Variants in UBAP1 observed in about 807,000 individuals in gnomAD.
The protein encoded by UBAP1 is ubiquitin-associated protein 1.
In UBAP1, 5 loss-of-function variants were observed where a neutral mutation model predicts 39.0. The observed-to-expected ratio is 0.13, with a 90% CI of 0.07 to 0.27. The LOEUF (loss-of-function observed/expected upper bound fraction) is 0.27. UBAP1 is among the 10% of genes least tolerant of loss of function. The probability of loss-of-function intolerance (pLI) is 1.00; values close to 1 mark genes in which losing one functional copy is unlikely to be tolerated. For synonymous variants in UBAP1, 211 were observed against 225.1 expected (o/e 0.94, Z 0.56); for missense variants, 490 against 608.1 (o/e 0.81, Z 2.04).
Position 34,252,062 on chromosome 9 carries a change from T to G in UBAP1, c.*530T>G, listed in dbSNP as rs1834571805. On this transcript the variant is annotated 3_prime_UTR_variant, in exon 7 of 7. Transcript: ENST00000297661. ...GTTAACACTGGTTCTGCAATATCTC[T>G]GAGGTGCAAAGAATGCACTTTTCCC... 6.5e-6 allele frequency: 1 copy of G among 152,918 alleles called. No individual in the cohort carries two copies. The highest frequency in any genetic ancestry group is 2.1e-4 in the South Asian group (1 of 4,850). 9.5% of individuals were successfully genotyped at this position (152,918 alleles called of 1,614,324 possible).
At chr9:34,250,011 G>T (rs752680084) in intron 5 of UBAP1, 50 bp downstream of exon 5, 1 of 1,594,054 alleles carries the variant, frequency 6.3e-7, no homozygotes, top group Non-Finnish European at 8.6e-7. Context: ...TGGAGCTGGA[G>T]TAGTGTCCTC....
At chr9:34,186,681 T>C (rs534750358) in intron 1 of UBAP1, among the ~76,000 whole-genome samples, 1 of 152,270 alleles carries the variant, frequency 6.6e-6, no homozygotes, top group South Asian at 2.1e-4. Context: ...ATATTCAATT[T>C]CGTTGCCTAT....
intron 1 of UBAP1, among the ~76,000 whole-genome samples, chr9:34,219,693 TTCCTCTCCTCTCC>T (rs1832553676): frequency 1.9e-5 from 1 of 51,850 alleles, no homozygotes; most frequent in Non-Finnish European, 4.0e-5. Flanking sequence ...CTCCCCTCCT[TTCCTCTCCTCTCC>T]TCTCCCCTCC....
intron 4 of UBAP1, among the ~76,000 whole-genome samples, chr9:34,242,354 C>T (rs1255215014): frequency 1.3e-5 from 2 of 152,134 alleles, no homozygotes; most frequent in Non-Finnish European, 2.9e-5. Flanking sequence ...TGACACGTTG[C>T]CCAGGCTGGT....
At chr9:34,193,699 G>A (rs753744828) in intron 1 of UBAP1, among the ~76,000 whole-genome samples, 9 of 152,178 alleles carry the variant, frequency 5.9e-5, no homozygotes, top group Non-Finnish European at 1.0e-4. Flanking sequence ...ATAGATGAAG[G>A]GATGCATAGA....
At chr9:34,182,707 TTC>T (rs1478040725) in intron 1 of UBAP1, among the ~76,000 whole-genome samples, 1 of 145,840 alleles carries the variant, frequency 6.9e-6, no homozygotes, top group African/African-American at 2.5e-5. Context: ...TTTCTTTTCT[TTC>T]TCTCTCTTTC....
At chr9:34,238,399 G>T (rs1319072376) in intron 3 of UBAP1, among the ~76,000 whole-genome samples, 1 of 152,130 alleles carries the variant, frequency 6.6e-6, no homozygotes. Flanking sequence ...GGCATTGCTG[G>T]GTCATAGTAA....
chr9:34,192,197 C>T (rs1300933372), intron 1 of UBAP1, among the ~76,000 whole-genome samples: 1 of 151,240 alleles, frequency 6.6e-6, no homozygotes, highest in Non-Finnish European at 1.5e-5. Flanking sequence ...ATTGTAATGG[C>T]AGAACTGTGG....
chr9:34,210,522 C>T lies in UBAP1; in HGVS notation c.-7-10386C>T, dbSNP rs536675239. 4.7e-4 allele frequency among the ~76,000 whole-genome samples: 71 copies of T among 152,186 alleles called. 1 individual carries two copies. The highest frequency in any genetic ancestry group is 1.5e-3 in the African/African-American group (64 of 41,530). Reference sequence around the variant, plus strand: ...TCACCTGAGGTCAGGAGTTTGAGACCAGCCTGGCCAACATGGCAAAAACCC... The same window carrying T: ...TCACCTGAGGTCAGGAGTTTGAGACTAGCCTGGCCAACATGGCAAAAACCC... On this transcript the variant is annotated intron_variant, in intron 1 of 6. Transcript: ENST00000297661.
At chr9:34,182,086 T>C (rs921231175) in intron 1 of UBAP1, among the ~76,000 whole-genome samples, 25 of 150,054 alleles carry the variant, frequency 1.7e-4, no homozygotes, top group African/African-American at 6.2e-4. Context: ...GAGCAGCTAG[T>C]GCACGTATTT....
At chr9:34,230,782 G>C (rs1833366073) in intron 2 of UBAP1, among the ~76,000 whole-genome samples, 1 of 152,124 alleles carries the variant, frequency 6.6e-6, no homozygotes, top group Non-Finnish European at 1.5e-5. Context: ...ACTTTGTTCA[G>C]ATCTCAGACA....
intron 4 of UBAP1, among the ~76,000 whole-genome samples, chr9:34,249,383 G>T (rs1405007865): frequency 6.6e-6 from 1 of 152,176 alleles, no homozygotes. Context: ...TTCAGCCTGG[G>T]AAAGGGATAA....
At chr9:34,222,779 CAT>C (rs1832830532) in intron 2 of UBAP1, among the ~76,000 whole-genome samples, 1 of 151,946 alleles carries the variant, frequency 6.6e-6, no homozygotes, top group African/African-American at 2.4e-5. Flanking sequence ...GCCAGAATCA[CAT>C]GAGAGCCTGT....
chr9:34,234,472 C>A, intron 3 of UBAP1, 132 bp downstream of exon 3: 1 of 1,001,380 alleles, frequency 1.0e-6, no homozygotes, highest in Non-Finnish European at 1.4e-6. Flanking sequence ...ACCACATATA[C>A]AATGGTGGTC....
intron 1 of UBAP1, among the ~76,000 whole-genome samples, chr9:34,211,712 T>C (rs1260849503): frequency 6.6e-6 from 1 of 152,158 alleles, no homozygotes; most frequent in African/African-American, 2.4e-5. Context: ...CTCCTTCAAC[T>C]TTTCCTTTTC....
At chr9:34,195,047 A>G (rs1031306485) in intron 1 of UBAP1, among the ~76,000 whole-genome samples, 3 of 151,888 alleles carry the variant, frequency 2.0e-5, no homozygotes, top group Admixed American at 6.6e-5. Flanking sequence ...TATTGTTTTT[A>G]TCTTTTTTTC....
intron 1 of UBAP1, among the ~76,000 whole-genome samples, chr9:34,206,975 A>G (rs768686236): frequency 4.7e-5 from 7 of 150,438 alleles, no homozygotes; most frequent in South Asian, 2.1e-4. Context: ...TAATATTTTA[A>G]TATCTGATAG....
chr9:34,186,082 A>G (rs1343911655), intron 1 of UBAP1, among the ~76,000 whole-genome samples: 1 of 152,192 alleles, frequency 6.6e-6, no homozygotes, highest in Non-Finnish European at 1.5e-5. Context: ...GACCATTCCA[A>G]TTCCTATAAG....
chr9:34,191,802 T>A (rs1407130559), intron 1 of UBAP1: 1 of 152,814 alleles, frequency 6.5e-6, no homozygotes, highest in Non-Finnish European at 1.5e-5. Flanking sequence ...GAAACAGACA[T>A]GCCAAATTCC....
Sources: allele counts gnomAD v4.1 joint callset (sites outside exome capture counted in the v4.1 genomes callset), GRCh38; gene constraint gnomAD v4.1.1; transcripts MANE v1.5; gene names NCBI Gene and HGNC (gene_info 2026-07-23, HGNC 2026-07-21).